The following TRMT13 variants were observed in gnomAD, a reference collection of about 807,000 sequenced individuals.
TRMT13 encodes the protein tRNA:m(4)X modification enzyme TRM13 homolog.
A neutral mutation model predicts 55.9 loss-of-function variants in TRMT13; 45 were observed. The ratio of observed to expected loss-of-function variants is 0.80; its 90% CI spans 0.63 to 1.03. The LOEUF (loss-of-function observed/expected upper bound fraction) is 1.03, where lower values mean the gene tolerates loss of function less well. Among genes scored for constraint, TRMT13 ranks in the 50% least tolerant of loss-of-function variants. TRMT13 has a pLI of 0.00. For missense variants in TRMT13, 513 were observed against 563.9 expected (o/e 0.91, Z 0.91); for synonymous variants, 183 against 196.3 (o/e 0.93, Z 0.57).
intron 9 of TRMT13, among the ~76,000 whole-genome samples, chr1:100,146,472 G>A (rs1657261209): frequency 6.6e-6 from 1 of 151,880 alleles, no homozygotes; most frequent in Non-Finnish European, 1.5e-5. Flanking sequence ...GAGATAAATT[G>A]CTAAAGCTCC....
intron 8 of TRMT13, 119 bp from the exon 9 acceptor site, chr1:100,143,950 T>G: frequency 1.3e-6 from 1 of 766,634 alleles, no homozygotes; most frequent in Non-Finnish European, 2.2e-6. Flanking sequence ...AAAGTGATAA[T>G]TTTTGTTTGA....
chr1:100,145,733 C>T (rs569031782), intron 9 of TRMT13, among the ~76,000 whole-genome samples: 16 of 152,088 alleles, frequency 1.1e-4, no homozygotes, highest in Admixed American at 5.9e-4. Flanking sequence ...TTGTTGGGCA[C>T]GATAGCTTGT....
chr1:100,148,839 A>G lies in TRMT13; in HGVS notation c.*19A>G. ...TGCTTAATGGAAAAGAAATTTGAGC[A>G]TCATCTGTCTTCCACCAAAAAAAAT... On this transcript the variant is annotated 3_prime_UTR_variant, in exon 11 of 11. Transcript: ENST00000370141. 1 of 1,419,762 alleles carries G rather than the reference A, an allele frequency of 7.0e-7. No individual in the cohort carries two copies. Among genetic ancestry groups the G allele is most frequent in the Admixed American group, 2.8e-5 (1 of 36,106 alleles). The allele number at this position is 1,419,762 out of a possible 1,614,324, so 87.9% of individuals were successfully genotyped here.
chr1:100,138,228 G>A (rs978890830), intron 3 of TRMT13, among the ~76,000 whole-genome samples: 1 of 152,140 alleles, frequency 6.6e-6, no homozygotes, highest in East Asian at 1.9e-4. Flanking sequence ...TTTACTTTGG[G>A]AAACTGGTGA....
Position 100,147,874 on chromosome 1 carries a change from C to G in TRMT13, c.818-20C>G, listed in dbSNP as rs779705627. The G allele has an allele frequency of 3.8e-6, 6 of 1,560,518 alleles. No homozygotes were observed. Among genetic ancestry groups the G allele is most frequent in the African/African-American group, 2.8e-5 (2 of 72,524 alleles). ...TTAAAGATGATGTGGTTTGGGGGGG[C>G]CACATAATTGTGTTTGCAGATCTTG... is the stretch of plus-strand genomic sequence containing the variant. On this transcript the variant is annotated intron_variant, in intron 9 of 10. Coordinates refer to ENST00000370141, the MANE Select transcript of TRMT13 (RefSeq NM_019083.3).
chr1:100,148,657 G>A lies in TRMT13; in HGVS notation c.1283G>A (p.Gly428Glu). 1 of 1,610,320 alleles carries A rather than the reference G, an allele frequency of 6.2e-7. No individual in the cohort carries two copies. The highest frequency in any genetic ancestry group is 8.5e-7 in the Non-Finnish European group (1 of 1,179,044). ...AGTGTTGAAGAAAAGAAGAAAATAG[G>A]GCATCTTTGTAAATTGCTGATTGAC... Reference protein sequence around the residue: ...LLSVEEKKKIGHLCKLLIDQG... With the variant: ...LLSVEEKKKIEHLCKLLIDQG... The change falls in exon 11 of 11, where the codon GGG becomes GAG. Residue 428 changes from glycine (G) to glutamate (E), a missense_variant. Transcript: ENST00000370141.
rs1657852724 is a variant in TRMT13 at position 100,150,284 on chromosome 1, T to C, written c.*1464T>C. The C allele has an allele frequency of 6.6e-6, 1 of 152,230 alleles. No homozygotes were observed. Among genetic ancestry groups the C allele is most frequent in the African/African-American group, 2.4e-5 (1 of 41,452 alleles). 9.4% of individuals were successfully genotyped at this position (152,230 alleles called of 1,614,324 possible). A position where few individuals can be genotyped will look rare whatever the true frequency, so the allele number is the denominator to read the frequency against. On this transcript the variant is annotated 3_prime_UTR_variant, in exon 11 of 11. Coordinates refer to ENST00000370141, the MANE Select transcript of TRMT13 (RefSeq NM_019083.3). ...TGATTTTATTATCTCTTTAAGTTGT[T>C]AACTTTTTTCCCTTGTTATAAGTTT...
rs780897331 is a variant in TRMT13, at chr1:100,144,082, G to A, written c.756G>A (p.Val252=). The change falls in exon 9 of 11, where the codon GTG becomes GTA. Residue 252 remains valine, a synonymous_variant. Transcript: ENST00000370141. ...IQHLCLNKIP[V]LREEKLPVVG... ...TTTCCATTTCAGACAAGATTCCTGT[G>A]CTAAGAGAAGAAAAACTACCTGTGG... 3.9e-5 allele frequency: 63 copies of A among 1,612,892 alleles called. No homozygotes were observed. Among genetic ancestry groups the A allele is most frequent in the Non-Finnish European group, 5.2e-5 (61 of 1,179,188 alleles).
chr1:100,143,674 AACACACACAGACACAT>A (rs1270238837), intron 8 of TRMT13, among the ~76,000 whole-genome samples: 19 of 152,252 alleles, frequency 1.2e-4, no homozygotes, highest in Admixed American at 7.9e-4. Context: ...CCATACACAA[AACACACACAGACACAT>A]ACACACACAA....
chr1:100,148,869 T>A lies in TRMT13; in HGVS notation c.*49T>A, dbSNP rs1387416284. 5.6e-6 allele frequency: 7 copies of A among 1,240,480 alleles called. No homozygotes were observed. Among genetic ancestry groups the A allele is most frequent in the Non-Finnish European group, 6.2e-6 (6 of 960,298 alleles). The allele number at this position is 1,240,480 out of a possible 1,614,324, so 76.8% of individuals were successfully genotyped here. ...CTGTCTTCCACCAAAAAAAATTTTTTAATTATATTTTTATATCAAAAAAAT... is the reference window on the plus strand; with the variant it reads ...CTGTCTTCCACCAAAAAAAATTTTTAAATTATATTTTTATATCAAAAAAAT... On this transcript the variant is annotated 3_prime_UTR_variant, in exon 11 of 11. Coordinates refer to ENST00000370141, the MANE Select transcript of TRMT13 (RefSeq NM_019083.3).
At position 100,136,358 on chromosome 1, in the gene TRMT13, CAT is replaced by C. The variant is rs549206277; in HGVS notation, c.148-523_148-522del. Among the ~76,000 whole-genome samples, 1,305 of 152,238 alleles carry C rather than the reference CAT, an allele frequency of 8.6e-3. 8 individuals are homozygous for C. Among genetic ancestry groups the C allele is most frequent in the Non-Finnish European group, 0.012 (836 of 68,008 alleles). On this transcript the variant is annotated intron_variant, in intron 1 of 10. Coordinates refer to ENST00000370141, the MANE Select transcript of TRMT13 (RefSeq NM_019083.3). ...AAAATGATTAGTATGTGAGGCAATA[CAT>C]GTTAATTAGCTTGATTTAGCCATTC...
chr1:100,136,738 C>A, intron 1 of TRMT13, 144 bp from the exon 2 acceptor site: 1 of 682,584 alleles, frequency 1.5e-6, no homozygotes, highest in South Asian at 2.2e-5. Flanking sequence ...ACCCTTGGGA[C>A]CTGATTTTGC....
In TRMT13 at chr1:100,149,306, C is replaced by A; in HGVS notation, c.*486C>A. ...CTGGAAAGCACAATTGTGATTTTCT[C>A]AAATGCAGACAATTCAGAGATATTC... is the stretch of plus-strand genomic sequence containing the variant. On this transcript the variant is annotated 3_prime_UTR_variant, in exon 11 of 11. Transcript: ENST00000370141. 1 of 1,532,228 alleles carries A rather than the reference C, an allele frequency of 6.5e-7. No individual in the cohort carries two copies. The highest frequency in any genetic ancestry group is 1.3e-5 in the South Asian group (1 of 78,438). The allele number at this position is 1,532,228 out of a possible 1,614,324, so 94.9% of individuals were successfully genotyped here. A position where few individuals can be genotyped will look rare whatever the true frequency, so the allele number is the denominator to read the frequency against.
At chr1:100,134,338 C>A (rs1161354321) in intron 1 of TRMT13, among the ~76,000 whole-genome samples, 1 of 152,078 alleles carries the variant, frequency 6.6e-6, no homozygotes, top group African/African-American at 2.4e-5. Flanking sequence ...CCTTATAGTT[C>A]CACAGAACTA....
chr1:100,143,962 T>A lies in TRMT13; in HGVS notation c.743-107T>A, dbSNP rs533150838. On this transcript the variant is annotated intron_variant, in intron 8 of 10. Coordinates refer to ENST00000370141, the MANE Select transcript of TRMT13 (RefSeq NM_019083.3). ...CATAAAGTGATAATTTTTGTTTGAGTCTCTTTCAGGCTAAAATTCAGAGAC... is the reference window on the plus strand; with the variant it reads ...CATAAAGTGATAATTTTTGTTTGAGACTCTTTCAGGCTAAAATTCAGAGAC... 3.5e-5 allele frequency: 31 copies of A among 898,026 alleles called. 1 individual carries two copies. The South Asian group carries it at 4.5e-4, about 13-fold the overall frequency. 55.6% of individuals were successfully genotyped at this position (898,026 alleles called of 1,614,324 possible). A position where few individuals can be genotyped will look rare whatever the true frequency, so the allele number is the denominator to read the frequency against.
chr1:100,149,064 A>C lies in TRMT13; in HGVS notation c.*244A>C. The C allele has an allele frequency of 6.2e-7, 1 of 1,601,152 alleles. No homozygotes were observed. Among genetic ancestry groups the C allele is most frequent in the Non-Finnish European group, 8.5e-7 (1 of 1,175,396 alleles). On this transcript the variant is annotated 3_prime_UTR_variant, in exon 11 of 11. Transcript: ENST00000370141. ...ATATTATCCATCCGTATTTATGGAG[A>C]TTGGTAAAGTAGTTGAACCGTTGAC...
In TRMT13 at chr1:100,147,949, T is replaced by G; in HGVS notation, c.873T>G (p.Asn291Lys). 1 of 1,612,832 alleles carries G rather than the reference T, an allele frequency of 6.2e-7. No individual in the cohort carries two copies. Among genetic ancestry groups the G allele is most frequent in the African/African-American group, 1.3e-5 (1 of 74,742 alleles). The change falls in exon 10 of 11, where the codon AAT (asparagine) becomes AAG (lysine). Residue 291 changes from asparagine to lysine, a missense_variant. Physicochemically the swap from Asn to Lys is moderately conservative, Grantham distance 94. Coordinates refer to ENST00000370141, the MANE Select transcript of TRMT13 (RefSeq NM_019083.3). The stretch of plus-strand genomic sequence containing the variant: ...ATGCTGCCAGTTTTGAGGAAAGGAA[T>G]GAAGAACCTTTAGCCAAACGCATAA... ...ETYAASFEER[N>K]EEPLAKRIKN...
chr1:100,136,619 C>T (rs1158593955), intron 1 of TRMT13, among the ~76,000 whole-genome samples: 1 of 152,106 alleles, frequency 6.6e-6, no homozygotes, highest in South Asian at 2.1e-4. Flanking sequence ...ATTTCAGACA[C>T]CATATGTAGG....
Position 100,148,150 on chromosome 1 carries a change from A to C in TRMT13, c.1074A>C (p.Ala358=). ...ATTTCAGGGCTCTAGGCCTTGGAGCAGTGGAATTCCATTATTTCCAGCGAA... is the reference window on the plus strand; with the variant it reads ...ATTTCAGGGCTCTAGGCCTTGGAGCCGTGGAATTCCATTATTTCCAGCGAA... ...KEYFRALGLG[A]VEFHYFQRMS... The change falls in exon 10 of 11, where the codon GCA becomes GCC. Residue 358 remains alanine (A), a synonymous_variant. Transcript: ENST00000370141. 6.2e-7 allele frequency: 1 copy of C among 1,614,212 alleles called. No individual in the cohort carries two copies. The highest frequency in any genetic ancestry group is 8.5e-7 in the Non-Finnish European group (1 of 1,180,034).
Sources: gnomAD v4.1 joint callset for allele counts (sites outside exome capture counted in the v4.1 genomes callset) on GRCh38, gnomAD v4.1.1 for gene constraint, MANE v1.5 for transcripts, NCBI Gene and HGNC (gene_info 2026-07-23, HGNC 2026-07-21) for gene names.